The following MAD1L1 variants were observed in gnomAD, a reference collection of about 807,000 sequenced individuals.
The protein encoded by MAD1L1 is mitotic spindle assembly checkpoint protein MAD1.
MAD1L1 carries 95 observed loss-of-function variants against 96.9 expected under a neutral mutation model. The ratio of observed to expected loss-of-function variants is 0.98; its 90% CI spans 0.83 to 1.16. The LOEUF is 1.16. Ranked by LOEUF, MAD1L1 falls within the 50% of genes most tolerant of loss-of-function variation. MAD1L1 has a pLI of 0.00. For synonymous variants in MAD1L1, 473 were observed against 396.6 expected, an observed-to-expected ratio of 1.19 and a Z score of -2.29; for missense variants, 1,007 against 954.4, an observed-to-expected ratio of 1.06 and a Z score of -0.73.
chr7:2,230,377 T>C (rs766998047), intron 2 of MAD1L1, 172 bp downstream of exon 2: 10 of 451,602 alleles, frequency 2.2e-5, no homozygotes, highest in Admixed American at 2.0e-4. Context: ...AAGCCACCAA[T>C]TGAGTCTCAG....
At chr7:1,976,009 G>T (rs555584331) in intron 15 of MAD1L1, among the ~76,000 whole-genome samples, 3 of 152,244 alleles carry the variant, frequency 2.0e-5, no homozygotes, top group African/African-American at 7.2e-5. Context: ...CTGGCTGAAA[G>T]GGCTCCTCAG....
chr7:2,150,220 G>A (rs1257890098), intron 10 of MAD1L1, among the ~76,000 whole-genome samples: 3 of 152,174 alleles, frequency 2.0e-5, no homozygotes, highest in Admixed American at 6.5e-5. Context: ...GGCCCCCAGA[G>A]CAGCCTCGGG....
intron 10 of MAD1L1, chr7:2,200,213 C>A (rs1024177999): frequency 4.6e-5 from 7 of 152,628 alleles, no homozygotes; most frequent in Non-Finnish European, 8.8e-5. Context: ...CCCACACCCG[C>A]CCCGGGCCGC....
chr7:2,167,504 A>C (rs924460748), intron 10 of MAD1L1, among the ~76,000 whole-genome samples: 12 of 149,382 alleles, frequency 8.0e-5, no homozygotes, highest in African/African-American at 2.7e-4. Flanking sequence ...AGCCGAGATC[A>C]CGCCACTGCA....
At chr7:2,222,879 C>T in intron 4 of MAD1L1, 125 bp from the exon 5 acceptor site, 1 of 767,090 alleles carries the variant, frequency 1.3e-6, no homozygotes. Flanking sequence ...GACCCATGAG[C>T]CAAGTCATAG....
intron 11 of MAD1L1, among the ~76,000 whole-genome samples, chr7:2,090,168 G>C (rs1284875403): frequency 1.3e-5 from 2 of 152,246 alleles, no homozygotes; most frequent in South Asian, 2.1e-4. Flanking sequence ...TCAAAGGCTA[G>C]TGCCGAGCAG....
chr7:2,117,112 C>T (rs576916663), intron 11 of MAD1L1, among the ~76,000 whole-genome samples: 52 of 152,300 alleles, frequency 3.4e-4, no homozygotes, highest in Non-Finnish European at 6.2e-4. Context: ...GCAGCCAAAG[C>T]GGGCAGGAAA....
intron 10 of MAD1L1, chr7:2,210,065 T>G (rs1409508206): frequency 6.6e-6 from 1 of 152,182 alleles, no homozygotes; most frequent in African/African-American, 2.4e-5. Flanking sequence ...CCAGTGCATC[T>G]CAGGTTTACC....
intron 12 of MAD1L1, among the ~76,000 whole-genome samples, chr7:2,048,869 G>A (rs1784048244): frequency 6.6e-6 from 1 of 152,192 alleles, no homozygotes; most frequent in African/African-American, 2.4e-5. Context: ...GAGGCGAAGA[G>A]CTGTGCCGAT....
chr7:2,175,279 C>T (rs1267303700), intron 10 of MAD1L1: 3 of 152,330 alleles, frequency 2.0e-5, no homozygotes, highest in East Asian at 1.9e-4. Flanking sequence ...CTTATGTCCT[C>T]GTGTGGCCAC....
intron 17 of MAD1L1, among the ~76,000 whole-genome samples, chr7:1,904,374 T>C (rs556604731): frequency 1.2e-3 from 175 of 142,632 alleles, no homozygotes; most frequent in Admixed American, 2.5e-3. Flanking sequence ...GAAGACGCTC[T>C]TGCAGAATTC....
intron 17 of MAD1L1, among the ~76,000 whole-genome samples, chr7:1,908,682 C>T (rs1787826870): frequency 1.3e-5 from 2 of 152,150 alleles, no homozygotes; most frequent in Non-Finnish European, 2.9e-5. Context: ...CTGAAGGCAT[C>T]GCCCTCAGGT....
chr7:1,818,109 C>T (rs1300026818), intron 18 of MAD1L1, among the ~76,000 whole-genome samples: 1 of 152,144 alleles, frequency 6.6e-6, no homozygotes, highest in Non-Finnish European at 1.5e-5. Flanking sequence ...CCTTTCACTT[C>T]TGCCTTCTGC....
At chr7:2,184,814 C>T (rs995855965) in intron 10 of MAD1L1, among the ~76,000 whole-genome samples, 1 of 152,020 alleles carries the variant, frequency 6.6e-6, no homozygotes, top group African/African-American at 2.4e-5. Context: ...CCAGCCTGGC[C>T]AACATGGTGA....
chr7:1,874,966 C>T (rs1455352433), intron 18 of MAD1L1, among the ~76,000 whole-genome samples: 1 of 152,154 alleles, frequency 6.6e-6, no homozygotes, highest in Non-Finnish European at 1.5e-5. Context: ...CCGGCTGGGC[C>T]TGGGAGCTCC....
At chr7:2,180,318 C>T (rs1023138413) in intron 10 of MAD1L1, among the ~76,000 whole-genome samples, 1 of 152,226 alleles carries the variant, frequency 6.6e-6, no homozygotes, top group Non-Finnish European at 1.5e-5. Context: ...CCTGGCCCAG[C>T]GTGCACCGGA....
chr7:1,958,536 C>A (rs1779822317), intron 15 of MAD1L1, among the ~76,000 whole-genome samples: 1 of 152,120 alleles, frequency 6.6e-6, no homozygotes, highest in South Asian at 2.1e-4. Flanking sequence ...ACAGCAAGAC[C>A]CGAGGAAACC....
intron 18 of MAD1L1, among the ~76,000 whole-genome samples, chr7:1,839,250 C>T (rs1219351544): frequency 7.2e-5 from 11 of 152,188 alleles, no homozygotes; most frequent in Non-Finnish European, 1.3e-4. Context: ...TGCCCGGGGT[C>T]GAGGTGGTGG....
At chr7:2,153,557 G>A (rs143365626) in intron 10 of MAD1L1, among the ~76,000 whole-genome samples, 1 of 152,298 alleles carries the variant, frequency 6.6e-6, no homozygotes, top group Non-Finnish European at 1.5e-5. Flanking sequence ...GACAGATGCT[G>A]GTGAGGATGC....
Sources: gnomAD v4.1 joint callset for allele counts (sites outside exome capture counted in the v4.1 genomes callset) on GRCh38, gnomAD v4.1.1 for gene constraint, MANE v1.5 for transcripts, NCBI Gene and HGNC (gene_info 2026-07-23, HGNC 2026-07-21) for gene names.